SLC1A2: variants seen among roughly 807,000 people sequenced by gnomAD.
The protein encoded by SLC1A2 is excitatory amino acid transporter 2.
In SLC1A2, 15 loss-of-function variants were observed where a neutral mutation model predicts 48.8. That is an observed-to-expected ratio of 0.31 (90% CI 0.21 to 0.47). SLC1A2 has a LOEUF of 0.47. Among genes scored for constraint, SLC1A2 ranks in the 20% least tolerant of loss-of-function variants. The probability of loss-of-function intolerance (pLI) is 0.99; values close to 1 mark genes in which losing one functional copy is unlikely to be tolerated. For synonymous variants in SLC1A2, 279 were observed against 272.6 expected (o/e 1.02, Z -0.23); for missense variants, 502 against 730.5 (o/e 0.69, Z 3.61).
chr11:35,282,660 G>A (rs1374852710), intron 8 of SLC1A2, among the ~76,000 whole-genome samples: 1 of 152,158 alleles, frequency 6.6e-6, no homozygotes, highest in Non-Finnish European at 1.5e-5. Context: ...ACCAGGGAAG[G>A]GGAACTCCCC....
intron 1 of SLC1A2, among the ~76,000 whole-genome samples, chr11:35,399,398 C>G (rs1855070237): frequency 6.6e-6 from 1 of 152,108 alleles, no homozygotes; most frequent in Non-Finnish European, 1.5e-5. Context: ...TATGATTTTC[C>G]CTGATTGATT....
At chr11:35,275,356 CCAGA>C (rs1201669835) in intron 9 of SLC1A2, among the ~76,000 whole-genome samples, 5 of 152,214 alleles carry the variant, frequency 3.3e-5, no homozygotes, top group Non-Finnish European at 7.3e-5. Context: ...CTACCTGTAG[CCAGA>C]CACAGTTATT....
chr11:35,331,355 C>A (rs999938274), intron 1 of SLC1A2, among the ~76,000 whole-genome samples: 1 of 152,190 alleles, frequency 6.6e-6, no homozygotes, highest in Non-Finnish European at 1.5e-5. Context: ...ACTTTGGTTC[C>A]TTCTAATGAG....
intron 4 of SLC1A2, among the ~76,000 whole-genome samples, chr11:35,308,754 A>G (rs563137111): frequency 6.6e-6 from 1 of 152,298 alleles, no homozygotes; most frequent in East Asian, 1.9e-4. Context: ...AGGGACAGAC[A>G]TCCAAAGCAT....
chr11:35,395,268 T>C (rs1171836885), intron 1 of SLC1A2, among the ~76,000 whole-genome samples: 2 of 152,078 alleles, frequency 1.3e-5, no homozygotes, highest in African/African-American at 4.8e-5. Context: ...GGAGTGTTTT[T>C]TTTTTTTCTC....
chr11:35,284,088 T>TATATATATATATATATATATAC (rs1850732890), intron 8 of SLC1A2, among the ~76,000 whole-genome samples: 1 of 27,202 alleles, frequency 3.7e-5, no homozygotes, highest in African/African-American at 8.5e-5. Flanking sequence ...AAGATTTTAT[T>TATATATATATATATATATATAC]ATATATATAT....
chr11:35,405,587 G>T (rs538543549), intron 1 of SLC1A2, among the ~76,000 whole-genome samples: 50 of 152,318 alleles, frequency 3.3e-4, no homozygotes, highest in African/African-American at 1.2e-3. Context: ...GGCATCCTGG[G>T]AAAGACAGAG....
At chr11:35,269,723 C>A (rs1391301596) in intron 9 of SLC1A2, among the ~76,000 whole-genome samples, 2 of 152,202 alleles carry the variant, frequency 1.3e-5, no homozygotes, top group African/African-American at 4.8e-5. Context: ...ACATCTCTTC[C>A]ATGCCATCAA....
chr11:35,320,602 T>C (rs920086368), intron 1 of SLC1A2, among the ~76,000 whole-genome samples: 10 of 152,228 alleles, frequency 6.6e-5, no homozygotes, highest in African/African-American at 2.4e-4. Flanking sequence ...CTTTAACACC[T>C]AGTCCTGAGT....
intron 2 of SLC1A2, chr11:35,317,172 G>A (rs1306516558): frequency 3.8e-6 from 2 of 525,922 alleles, no homozygotes; most frequent in Non-Finnish European, 6.8e-6. Flanking sequence ...AAAAATTTAA[G>A]AACTACTAGA....
intron 5 of SLC1A2, among the ~76,000 whole-genome samples, chr11:35,304,805 A>T (rs1332015503): frequency 1.3e-5 from 2 of 152,108 alleles, no homozygotes; most frequent in Non-Finnish European, 2.9e-5. Context: ...CAGGTAAAAA[A>T]TGAATACTTT....
intron 4 of SLC1A2, among the ~76,000 whole-genome samples, chr11:35,311,638 C>T (rs910708723): frequency 2.6e-5 from 4 of 152,004 alleles, no homozygotes; most frequent in African/African-American, 9.7e-5. Context: ...GTATTACTTC[C>T]ACAATTTAAA....
intron 1 of SLC1A2, among the ~76,000 whole-genome samples, chr11:35,334,814 ATTTTGTTTTG>A (rs10611656): frequency 0.3 from 44,696 of 146,766 alleles, 7,345 homozygotes; most frequent in South Asian, 0.49. Flanking sequence ...CTGGAGAGCA[ATTTTGTTTTG>A]TTTTGTTTTG....
At chr11:35,276,723 G>C (rs942236077) in intron 9 of SLC1A2, among the ~76,000 whole-genome samples, 1 of 152,232 alleles carries the variant, frequency 6.6e-6, no homozygotes, top group Non-Finnish European at 1.5e-5. Context: ...GGGGCTGGAA[G>C]ACTTGAATTC....
At chr11:35,384,612 T>C (rs751005741) in intron 1 of SLC1A2, among the ~76,000 whole-genome samples, 1 of 152,202 alleles carries the variant, frequency 6.6e-6, no homozygotes, top group African/African-American at 2.4e-5. Flanking sequence ...CATTGAAGAT[T>C]ATTTGCTTGT....
intron 5 of SLC1A2, among the ~76,000 whole-genome samples, chr11:35,303,120 T>C (rs1851401721): frequency 6.6e-6 from 1 of 151,872 alleles, no homozygotes; most frequent in African/African-American, 2.4e-5. Flanking sequence ...ATGCCTAAAG[T>C]CTTAACCCAT....
At chr11:35,367,961 T>C (rs1354707785) in intron 1 of SLC1A2, among the ~76,000 whole-genome samples, 1 of 152,238 alleles carries the variant, frequency 6.6e-6, no homozygotes, top group African/African-American at 2.4e-5. Context: ...CTAGATATTA[T>C]TGTCTGCTAA....
At chr11:35,330,868 C>G (rs1292422703) in intron 1 of SLC1A2, among the ~76,000 whole-genome samples, 1 of 152,184 alleles carries the variant, frequency 6.6e-6, no homozygotes, top group Non-Finnish European at 1.5e-5. Flanking sequence ...TTGATTTTAG[C>G]CCAGTGAGAC....
At position 35,255,176 on chromosome 11, in the gene SLC1A2, A is replaced by C. The variant is rs3829280; in HGVS notation, c.*5718T>G. 27 of 212,196 alleles carry C rather than the reference A, an allele frequency of 1.3e-4. No individual in the cohort carries two copies. The highest frequency in any genetic ancestry group is 2.2e-4 in the Admixed American group (4 of 18,586). 13.1% of individuals were successfully genotyped at this position (212,196 alleles called of 1,614,324 possible). A position where few individuals can be genotyped will look rare whatever the true frequency, so the allele number is the denominator to read the frequency against. On this transcript the variant is annotated 3_prime_UTR_variant, in exon 11 of 11. Coordinates refer to ENST00000278379, the MANE Select transcript of SLC1A2 (RefSeq NM_004171.4). ...TCACAACACAACAAATACCAACACTACTCTATTTAGCAGAAGTTTGGACAA... is the reference window on the plus strand; with the variant it reads ...TCACAACACAACAAATACCAACACTCCTCTATTTAGCAGAAGTTTGGACAA...
Sources: allele counts gnomAD v4.1 joint callset (sites outside exome capture counted in the v4.1 genomes callset), GRCh38; gene constraint gnomAD v4.1.1; transcripts MANE v1.5; gene names NCBI Gene and HGNC (gene_info 2026-07-23, HGNC 2026-07-21).